GSK3A: variants seen among roughly 807,000 people sequenced by gnomAD.
GSK3A encodes the protein glycogen synthase kinase 3 alpha, also known as glycogen synthase kinase-3 alpha.
GSK3A carries 14 observed loss-of-function variants against 56.6 expected under a neutral mutation model. The ratio of observed to expected loss-of-function variants is 0.25; its 90% CI spans 0.16 to 0.39. The LOEUF (loss-of-function observed/expected upper bound fraction) is 0.39, where lower values mean the gene tolerates loss of function less well. Ranked by LOEUF, GSK3A falls within the 10% of genes least tolerant of loss-of-function variation. GSK3A has a pLI of 1.00. For missense variants in GSK3A, 450 were observed against 656.0 expected (o/e 0.69, Z 3.43); for synonymous variants, 301 against 285.0 (o/e 1.06, Z -0.56).
At chr19:42,240,692 A>AT (rs2036286252) in intron 1 of GSK3A, 1 of 160,274 alleles carries the variant, frequency 6.2e-6, no homozygotes, top group Non-Finnish European at 1.4e-5. Context: ...CTCTCCTGCT[A>AT]TAAGTGCCAG....
chr19:42,231,793 T>G (rs61412667), intron 10 of GSK3A, among the ~76,000 whole-genome samples: 1 of 151,524 alleles, frequency 6.6e-6, no homozygotes, highest in Non-Finnish European at 1.5e-5. Context: ...AAAAACAAAC[T>G]TGGGCAACGA....
At chr19:42,241,025 T>G (rs1309280873) in intron 1 of GSK3A, 1 of 152,164 alleles carries the variant, frequency 6.6e-6, no homozygotes, top group Non-Finnish European at 1.5e-5. Flanking sequence ...AGACACAGTT[T>G]CGCTCTCGTT....
chr19:42,232,169 T>C lies in GSK3A; in HGVS notation c.1286-20A>G. ...AGAGTTCTAGAAACAGGAATTGACA[T>C]GCTAGTCAGGGTAGACTACAGCAGG... On this transcript the variant is annotated intron_variant, in intron 9 of 10. Coordinates refer to ENST00000222330, the MANE Select transcript of GSK3A (RefSeq NM_019884.3). 1 of 1,455,078 alleles carries C rather than the reference T, an allele frequency of 6.9e-7. No homozygotes were observed. The highest frequency in any genetic ancestry group is 9.6e-7 in the Non-Finnish European group (1 of 1,037,756). The allele number at this position is 1,455,078 out of a possible 1,614,324, so 90.1% of individuals were successfully genotyped here. A position where few individuals can be genotyped will look rare whatever the true frequency, so the allele number is the denominator to read the frequency against.
rs191506262 is a variant in GSK3A, at chr19:42,234,937, G to C, written c.667-259C>G. ...ATTTTGGGAGGCCAAGACCAGCCTC[G>C]CCAACATGTTGAGATCCCGTCTCTA... On this transcript the variant is annotated intron_variant, in intron 4 of 10. Transcript: ENST00000222330. The surrounding 1 kb of genome is among the most constrained non-coding windows in gnomAD (Gnocchi z 5.7). 6.6e-6 allele frequency among the ~76,000 whole-genome samples: 1 copy of C among 152,114 alleles called. No homozygotes were observed. The highest frequency in any genetic ancestry group is 1.5e-5 in the Non-Finnish European group (1 of 68,032).
In GSK3A at chr19:42,231,956, T is replaced by A. The variant is rs1476172926; in HGVS notation, c.1378+101A>T. The A allele has an allele frequency of 1.7e-5, 11 of 644,998 alleles. No homozygotes were observed. The East Asian group carries it at 2.6e-4, about 15-fold the overall frequency. The allele number at this position is 644,998 out of a possible 1,614,324, so 40.0% of individuals were successfully genotyped here. Reference sequence around the variant, plus strand: ...GTTTCCTATGCCATCAAAATGTCGATGATTTAAAAATACATTCAGGAAACC... The same window carrying A: ...GTTTCCTATGCCATCAAAATGTCGAAGATTTAAAAATACATTCAGGAAACC... On this transcript the variant is annotated intron_variant, in intron 10 of 10. Transcript: ENST00000222330.
At chr19:42,241,566 A>G (rs1333892533) in intron 1 of GSK3A, 1 of 152,244 alleles carries the variant, frequency 6.6e-6, no homozygotes, top group Non-Finnish European at 1.5e-5. Context: ...TCTAAAAGGC[A>G]GTAACTATTA....
At chr19:42,233,262 G>GGCCCCCCCCCCCCCCCCCC in intron 7 of GSK3A, 24 bp downstream of exon 7, 1 of 1,077,496 alleles carries the variant, frequency 9.3e-7, no homozygotes, top group Non-Finnish European at 1.4e-6. Flanking sequence ...CCCACCCCCT[G>GGCCCCCCCCCCCCCCCCCC]CCCAGCCCAG....
chr19:42,238,514 G>T (rs925778873), intron 2 of GSK3A, among the ~76,000 whole-genome samples: 9 of 144,486 alleles, frequency 6.2e-5, no homozygotes, highest in Non-Finnish European at 1.2e-4. Flanking sequence ...GGCTGAGGCA[G>T]AAGAATCGCT....
chr19:42,241,282 C>T (rs1164083316), intron 1 of GSK3A: 1 of 152,180 alleles, frequency 6.6e-6, no homozygotes, highest in Non-Finnish European at 1.5e-5. Flanking sequence ...AGGCGTGAGC[C>T]ACCGCGCCCG....
chr19:42,239,921 C>G, intron 2 of GSK3A, 34 bp downstream of exon 2: 1 of 1,594,628 alleles, frequency 6.3e-7, no homozygotes, highest in Non-Finnish European at 8.6e-7. Context: ...CACCCAGTCC[C>G]CAAACCTCCC....
chr19:42,232,015 G>T, intron 10 of GSK3A, 42 bp downstream of exon 10: 1 of 1,148,320 alleles, frequency 8.7e-7, no homozygotes, highest in Non-Finnish European at 1.3e-6. Context: ...CCCTCTCCAG[G>T]CTGAGAGATA....
At chr19:42,237,521 T>C (rs1462685629) in intron 2 of GSK3A, among the ~76,000 whole-genome samples, 4 of 151,794 alleles carry the variant, frequency 2.6e-5, no homozygotes, top group Admixed American at 2.0e-4. Flanking sequence ...TTTCAACTTA[T>C]TGCTGACATG....
At chr19:42,238,677 G>A (rs189818943) in intron 2 of GSK3A, among the ~76,000 whole-genome samples, 1 of 150,452 alleles carries the variant, frequency 6.6e-6, no homozygotes, top group African/African-American at 2.4e-5. Flanking sequence ...TGAAAAATCA[G>A]GGCTAGGTAT....
chr19:42,242,364 GC>G lies in GSK3A; in HGVS notation c.101del (p.Gly34AlafsTer58). The G allele has an allele frequency of 7.1e-7, 1 of 1,401,276 alleles. No individual in the cohort carries two copies. 86.8% of individuals were successfully genotyped at this position (1,401,276 alleles called of 1,614,324 possible). A position where few individuals can be genotyped will look rare whatever the true frequency, so the allele number is the denominator to read the frequency against. ...GGCCGGAGGCCGAGCCTCCGGGGCCGCCGCCGCCTCCTCCGCCTCCGCCGCC... is the reference window on the plus strand; with the variant it reads ...GGCCGGAGGCCGAGCCTCCGGGGCCGCGCCGCCTCCTCCGCCTCCGCCGCC... Reference protein sequence around the residue: ...EPGGGGGGGGGGPGGSASGPG... With the variant: ...EPGGGGGGGGXGPGGSASGPG... On this transcript the variant is annotated frameshift_variant, in exon 1 of 11. Coordinates refer to ENST00000222330, the MANE Select transcript of GSK3A (RefSeq NM_019884.3). LOFTEE classifies it high-confidence loss of function.
chr19:42,236,847 C>T lies in GSK3A; in HGVS notation c.555+11G>A, dbSNP rs1223215029. Reference sequence around the variant, plus strand: ...CTGGAGCAACCCACCACCACCACCTCGAGATCTCACCTTCTCGCCACTGGA... The same window carrying T: ...CTGGAGCAACCCACCACCACCACCTTGAGATCTCACCTTCTCGCCACTGGA... On this transcript the variant is annotated intron_variant, in intron 3 of 10. Transcript: ENST00000222330. 7.5e-6 allele frequency: 12 copies of T among 1,600,798 alleles called. No individual in the cohort carries two copies. In the Middle Eastern group the frequency reaches 5.0e-4, roughly 66 times the overall value.
Position 42,240,450 on chromosome 19 carries a change from T to C in GSK3A, c.284-308A>G, listed in dbSNP as rs1465341111. On this transcript the variant is annotated intron_variant, in intron 1 of 10. Coordinates refer to ENST00000222330, the MANE Select transcript of GSK3A (RefSeq NM_019884.3). ...GCAACAGATCACTGGTCCATCTTGG[T>C]ACTGGGAGACATCAGATGTTGACTC... is the stretch of plus-strand genomic sequence containing the variant. 7.1e-6 allele frequency: 4 copies of C among 559,694 alleles called. No homozygotes were observed. The African/African-American group carries it at 7.5e-5, about 10-fold the overall frequency. 34.7% of individuals were successfully genotyped at this position (559,694 alleles called of 1,614,324 possible). A position where few individuals can be genotyped will look rare whatever the true frequency, so the allele number is the denominator to read the frequency against.
At position 42,234,538 on chromosome 19, in the gene GSK3A, C is replaced by A; in HGVS notation, c.797+10G>T. 6.2e-7 allele frequency: 1 copy of A among 1,613,352 alleles called. No individual in the cohort carries two copies. The highest frequency in any genetic ancestry group is 8.5e-7 in the Non-Finnish European group (1 of 1,179,350). On this transcript the variant is annotated intron_variant, in intron 5 of 10. Coordinates refer to ENST00000222330, the MANE Select transcript of GSK3A (RefSeq NM_019884.3). The surrounding 1 kb of genome is among the most constrained non-coding windows in gnomAD (Gnocchi z 5.7). ...TGCCTCTTCAGCCACCCAACATGCC[C>A]CAGGCCCACCTGCCAAAATCGCAGA...
intron 2 of GSK3A, among the ~76,000 whole-genome samples, chr19:42,238,468 G>A (rs1394880868): frequency 6.6e-6 from 1 of 151,304 alleles, no homozygotes; most frequent in East Asian, 1.9e-4. Context: ...TTAGCCGAGA[G>A]TGGTGGCACA....
chr19:42,234,401 G>A lies in GSK3A; in HGVS notation c.856C>T (p.Arg286Trp), dbSNP rs981266433. Reference sequence around the variant, plus strand: ...GCTCCAAAGATGAGCTCTGGGGCCCGGTAGTAGCGAGAACAGATGTAGGAG... The same window carrying A: ...GCTCCAAAGATGAGCTCTGGGGCCCAGTAGTAGCGAGAACAGATGTAGGAG... Reference protein sequence around the residue: ...NVSYICSRYYRAPELIFGATD... With the variant: ...NVSYICSRYYWAPELIFGATD... Residue 286 changes from arginine (R) to tryptophan (W), a missense_variant, in exon 6 of 11, where the codon CGG becomes TGG. Coordinates refer to ENST00000222330, the MANE Select transcript of GSK3A (RefSeq NM_019884.3). This position sits in a 1 kb window ranked among gnomAD's most constrained non-coding sequence, Gnocchi z 5.7. 1.2e-6 allele frequency: 2 copies of A among 1,614,156 alleles called. No homozygotes were observed. Among genetic ancestry groups the A allele is most frequent in the Non-Finnish European group, 1.7e-6 (2 of 1,179,996 alleles).
Sources: gnomAD v4.1 joint callset for allele counts (sites outside exome capture counted in the v4.1 genomes callset) on GRCh38, gnomAD v4.1.1 for gene constraint, Gnocchi (gnomAD v3.1) non-coding constraint, MANE v1.5 for transcripts, NCBI Gene and HGNC (gene_info 2026-07-23, HGNC 2026-07-21) for gene names.